NTRK2: variants seen among roughly 807,000 people sequenced by gnomAD.
The protein encoded by NTRK2 is neurotrophic receptor tyrosine kinase 2.
In NTRK2, 13 loss-of-function variants were observed where a neutral mutation model predicts 94.5. That is an observed-to-expected ratio of 0.14 (90% CI 0.09 to 0.22). The LOEUF (loss-of-function observed/expected upper bound fraction) is 0.22. Among genes scored for constraint, NTRK2 ranks in the 10% least tolerant of loss-of-function variants. The probability of loss-of-function intolerance (pLI) is 1.00; values close to 1 mark genes in which losing one functional copy is unlikely to be tolerated. For missense variants in NTRK2, 639 were observed against 1,071.2 expected (o/e 0.60, Z 5.63); for synonymous variants, 372 against 407.4 (o/e 0.91, Z 1.05).
chr9:84,729,773 A>G (rs1182422124), intron 9 of NTRK2, among the ~76,000 whole-genome samples: 1 of 152,252 alleles, frequency 6.6e-6, no homozygotes, highest in African/African-American at 2.4e-5. Flanking sequence ...GAAGGTCTGC[A>G]GTGAAAAGCT....
intron 2 of NTRK2, among the ~76,000 whole-genome samples, chr9:84,697,177 G>A (rs2060433124): frequency 6.6e-6 from 1 of 152,216 alleles, no homozygotes; most frequent in Non-Finnish European, 1.5e-5. Flanking sequence ...ACTTGCCTAA[G>A]AGAGCATGCA....
In NTRK2 at chr9:84,768,645, T is replaced by G. The variant is rs557344652; in HGVS notation, c.1396+16560T>G. Among the ~76,000 whole-genome samples, 4 of 152,264 alleles carry G rather than the reference T, an allele frequency of 2.6e-5. No homozygotes were observed. In the South Asian group the frequency reaches 8.3e-4, roughly 32 times the overall value. On this transcript the variant is annotated intron_variant, in intron 12 of 18. Transcript: ENST00000277120. Reference sequence around the variant, plus strand: ...GGGACCCCCAGAAATTCATCATGACTTTTGTTTTGACGTATCTGGTTATTC... The same window carrying G: ...GGGACCCCCAGAAATTCATCATGACGTTTGTTTTGACGTATCTGGTTATTC...
chr9:84,721,025 T>C (rs2062024372), intron 6 of NTRK2, among the ~76,000 whole-genome samples: 1 of 152,232 alleles, frequency 6.6e-6, no homozygotes, highest in Admixed American at 6.5e-5. Context: ...GTTATAGTTA[T>C]ATTGGCACAT....
intron 17 of NTRK2, among the ~76,000 whole-genome samples, chr9:85,015,651 T>A (rs140587115): frequency 6.6e-6 from 1 of 152,178 alleles, no homozygotes; most frequent in African/African-American, 2.4e-5. Flanking sequence ...AAGAAAGGAG[T>A]TCCTTCTGTG....
chr9:84,774,949 A>G (rs1366824455), intron 12 of NTRK2, among the ~76,000 whole-genome samples: 1 of 152,236 alleles, frequency 6.6e-6, no homozygotes, highest in Non-Finnish European at 1.5e-5. Flanking sequence ...GAAAAGGGAC[A>G]CAGGAGGTAC....
intron 17 of NTRK2, among the ~76,000 whole-genome samples, chr9:84,992,180 C>G (rs928762499): frequency 1.3e-5 from 2 of 152,114 alleles, no homozygotes; most frequent in Admixed American, 1.3e-4. Context: ...ATATTGGTGG[C>G]TGCTTGATAC....
At chr9:84,921,525 G>A (rs575707846) in intron 14 of NTRK2, among the ~76,000 whole-genome samples, 1 of 152,296 alleles carries the variant, frequency 6.6e-6, no homozygotes, top group African/African-American at 2.4e-5. Context: ...TCTGGTGGCT[G>A]CAGAGAAAGG....
rs150968723 is a variant in NTRK2, at chr9:84,830,254, C to T, written c.1397-30786C>T. ...CACACACCCTAGGCACAAGTCTGTC[C>T]TTGTTTACCCTCACGTTCTTGTATA... On this transcript the variant is annotated intron_variant, in intron 12 of 18. Coordinates refer to ENST00000277120, the MANE Select transcript of NTRK2 (RefSeq NM_006180.6). 2.2e-3 allele frequency among the ~76,000 whole-genome samples: 339 copies of T among 152,320 alleles called. 1 individual carries two copies. The highest frequency in any genetic ancestry group is 7.6e-3 in the African/African-American group (316 of 41,570).
chr9:84,741,749 G>C, intron 9 of NTRK2, 143 bp from the exon 10 acceptor site: 1 of 689,236 alleles, frequency 1.5e-6, no homozygotes, highest in Non-Finnish European at 2.6e-6. Context: ...AGAACTTAAA[G>C]TTTTGTTTAC....
chr9:84,867,765 A>AT (rs2075662044), intron 14 of NTRK2, among the ~76,000 whole-genome samples: 1 of 152,336 alleles, frequency 6.6e-6, no homozygotes, highest in African/African-American at 2.4e-5. Context: ...GAATGCACAT[A>AT]TATCAGTTAT....
chr9:84,898,078 G>T (rs11790287), intron 14 of NTRK2, among the ~76,000 whole-genome samples: 22 of 147,206 alleles, frequency 1.5e-4, no homozygotes, highest in African/African-American at 4.7e-4. Flanking sequence ...TTTTTTCTAT[G>T]ATATCTGTAG....
At chr9:84,747,438 T>A (rs1588332094) in intron 11 of NTRK2, among the ~76,000 whole-genome samples, 1 of 152,016 alleles carries the variant, frequency 6.6e-6, no homozygotes, top group African/African-American at 2.4e-5. Flanking sequence ...TTAAGCCCAA[T>A]TACACAAAAT....
chr9:84,750,342 A>C (rs2064476708), intron 11 of NTRK2, among the ~76,000 whole-genome samples: 1 of 152,218 alleles, frequency 6.6e-6, no homozygotes, highest in Admixed American at 6.5e-5. Flanking sequence ...CAGTGACACA[A>C]GTCTGAACTA....
chr9:84,717,743 G>A (rs2061793060), intron 6 of NTRK2, among the ~76,000 whole-genome samples: 1 of 152,076 alleles, frequency 6.6e-6, no homozygotes, highest in Non-Finnish European at 1.5e-5. Flanking sequence ...TCATCAACAA[G>A]AATAGTTAGA....
At chr9:84,972,416 T>G (rs1173324331) in intron 17 of NTRK2, among the ~76,000 whole-genome samples, 2 of 152,196 alleles carry the variant, frequency 1.3e-5, no homozygotes, top group Non-Finnish European at 2.9e-5. Flanking sequence ...AAAAATTGTG[T>G]TCTATGGAAC....
intron 11 of NTRK2, 143 bp downstream of exon 11, chr9:84,745,216 A>G (rs996779473): frequency 2.8e-6 from 2 of 721,636 alleles, no homozygotes; most frequent in Non-Finnish European, 5.0e-6. Flanking sequence ...GAATTAATAA[A>G]AGGCTTAACA....
chr9:84,778,905 T>C (rs1045539356), intron 12 of NTRK2, among the ~76,000 whole-genome samples: 1 of 152,188 alleles, frequency 6.6e-6, no homozygotes, highest in Non-Finnish European at 1.5e-5. Context: ...TTGAGGGATA[T>C]GTGGAGAGAG....
intron 2 of NTRK2, among the ~76,000 whole-genome samples, chr9:84,699,065 C>T (rs536203901): frequency 6.7e-6 from 1 of 148,318 alleles, no homozygotes; most frequent in South Asian, 2.1e-4. Flanking sequence ...GAGACGGAGT[C>T]TTGCACTGTT....
chr9:84,870,814 A>G (rs558099251), intron 14 of NTRK2, among the ~76,000 whole-genome samples: 1 of 152,178 alleles, frequency 6.6e-6, no homozygotes, highest in Non-Finnish European at 1.5e-5. Flanking sequence ...TATGGATCCA[A>G]CAGAGACTTG....
Sources: allele counts gnomAD v4.1 joint callset (sites outside exome capture counted in the v4.1 genomes callset), GRCh38; gene constraint gnomAD v4.1.1; transcripts MANE v1.5; gene names NCBI Gene and HGNC (gene_info 2026-07-23, HGNC 2026-07-21).